Variants in ZBED4 observed in about 807,000 individuals in gnomAD.
ZBED4 encodes zinc finger BED-type containing 4.
A neutral mutation model predicts 15.5 loss-of-function variants in ZBED4; 4 were observed. The ratio of observed to expected loss-of-function variants is 0.26; its 90% CI spans 0.13 to 0.59. ZBED4 has a LOEUF of 0.59. ZBED4 is among the 20% of genes least tolerant of loss of function. The pLI is 0.90. For missense variants in ZBED4, 1,323 were observed against 1,461.8 expected (o/e 0.91, Z 1.55); for synonymous variants, 692 against 608.5 (o/e 1.14, Z -2.02).
At position 49,884,892 on chromosome 22, in the gene ZBED4, C is replaced by T. The variant is rs776412890; in HGVS notation, c.1230C>T (p.Asp410=). The T allele has an allele frequency of 3.1e-6, 5 of 1,602,948 alleles. No homozygotes were observed. The highest frequency in any genetic ancestry group is 1.1e-5 in the South Asian group (1 of 90,140). ...HLNPGDGLME[D]VAAFSSSDDI... is the part of the protein sequence containing the mutation. ...ACCCTGGAGATGGGCTGATGGAAGA[C>T]GTGGCGGCCTTCTCATCTTCCGATG... The change falls in exon 2 of 2, where the codon GAC becomes GAT. Residue 410 remains aspartate, a synonymous_variant. Transcript: ENST00000216268.
chr22:49,874,388 ATTTT>A (rs539781070), intron 1 of ZBED4, among the ~76,000 whole-genome samples: 1 of 143,156 alleles, frequency 7.0e-6, no homozygotes, highest in Non-Finnish European at 1.5e-5. Flanking sequence ...TATTGTTTTA[ATTTT>A]TTTTTTTTTT....
Position 49,854,948 on chromosome 22 carries a change from A to G in ZBED4, c.-330+959A>G, listed in dbSNP as rs143508796. On this transcript the variant is annotated intron_variant, in intron 1 of 1. Coordinates refer to ENST00000216268, the MANE Select transcript of ZBED4 (RefSeq NM_014838.3). ...GAAATGTTTTTTATTTTTTCTGTGT[A>G]TGTCATTCATAGTGACAAAATTGAG... Among the ~76,000 whole-genome samples the G allele has an allele frequency of 1.2e-4, 18 of 152,334 alleles. 1 individual carries two copies. The South Asian group carries it at 1.9e-3, about 16-fold the overall frequency.
chr22:49,871,657 G>A (rs954903155), intron 1 of ZBED4, among the ~76,000 whole-genome samples: 1 of 152,052 alleles, frequency 6.6e-6, no homozygotes, highest in Non-Finnish European at 1.5e-5. Flanking sequence ...ATGTTGCCTT[G>A]GTGTCCAGGG....
intron 1 of ZBED4, among the ~76,000 whole-genome samples, chr22:49,879,282 G>A (rs1160191545): frequency 6.6e-6 from 1 of 151,114 alleles, no homozygotes; most frequent in Non-Finnish European, 1.5e-5. Context: ...GCGCCACCAC[G>A]CCGCGCTAAT....
chr22:49,872,353 C>T (rs919683868), intron 1 of ZBED4, among the ~76,000 whole-genome samples: 1 of 152,172 alleles, frequency 6.6e-6, no homozygotes, highest in Non-Finnish European at 1.5e-5. Context: ...GCAATTCCGC[C>T]GTATCTTTGG....
chr22:49,875,434 T>C (rs2147528495), intron 1 of ZBED4, among the ~76,000 whole-genome samples: 1 of 151,990 alleles, frequency 6.6e-6, no homozygotes, highest in South Asian at 2.1e-4. Flanking sequence ...TTTTTTCTTT[T>C]TTTTGAGACG....
chr22:49,856,827 C>T lies in ZBED4; in HGVS notation c.-330+2838C>T, dbSNP rs112996074. On this transcript the variant is annotated intron_variant, in intron 1 of 1. Coordinates refer to ENST00000216268, the MANE Select transcript of ZBED4 (RefSeq NM_014838.3). ...CTAGGTGAAGGCCGCGCTGGAATCC[C>T]GGCCGGCTTCCCACCCCTCGTTCTA... Among the ~76,000 whole-genome samples, 5 of 149,034 alleles carry T rather than the reference C, an allele frequency of 3.4e-5. No homozygotes were observed. The East Asian group carries it at 6.0e-4, about 18-fold the overall frequency.
intron 1 of ZBED4, among the ~76,000 whole-genome samples, chr22:49,869,999 C>G (rs1285247668): frequency 6.6e-6 from 1 of 152,090 alleles, no homozygotes; most frequent in African/African-American, 2.4e-5. Flanking sequence ...TCTCGCAGTC[C>G]CAGTGCCTGT....
rs199907765 is a variant in ZBED4, at chr22:49,885,976, G to A, written c.2314G>A (p.Val772Met). 2.8e-6 allele frequency: 2 copies of A among 702,160 alleles called. No homozygotes were observed. Among genetic ancestry groups the A allele is most frequent in the South Asian group, 1.6e-5 (1 of 60,692 alleles). 43.5% of individuals were successfully genotyped at this position (702,160 alleles called of 1,614,324 possible). A position where few individuals can be genotyped will look rare whatever the true frequency, so the allele number is the denominator to read the frequency against. Residue 772 changes from valine (V) to methionine (M), a missense_variant, in exon 2 of 2, where the codon GTG becomes ATG. Val to Met is a conservative substitution (Grantham distance 21). This residue lies in a region of ZBED4 where 100 missense variants were observed against 79.3 expected (regional missense o/e 1.26). Coordinates refer to ENST00000216268, the MANE Select transcript of ZBED4 (RefSeq NM_014838.3). ...CCACCACTGCTCGGCGCTGTTGGAC[G>A]TGTCGCAGGTGGACTGCGACTACAG... is the stretch of plus-strand genomic sequence containing the variant. ...DDHHCSALLDVSQVDCDYSGN... is the reference protein window; with the variant it reads ...DDHHCSALLDMSQVDCDYSGN...
chr22:49,871,656 T>C (rs1403532091), intron 1 of ZBED4, among the ~76,000 whole-genome samples: 1 of 152,126 alleles, frequency 6.6e-6, no homozygotes, highest in Non-Finnish European at 1.5e-5. Flanking sequence ...GATGTTGCCT[T>C]GGTGTCCAGG....
At chr22:49,871,271 G>A (rs2060346061) in intron 1 of ZBED4, among the ~76,000 whole-genome samples, 1 of 151,480 alleles carries the variant, frequency 6.6e-6, no homozygotes, top group Non-Finnish European at 1.5e-5. Flanking sequence ...GGTGGATCAC[G>A]AGGTCAGGAG....
intron 1 of ZBED4, among the ~76,000 whole-genome samples, chr22:49,858,480 A>G (rs1384455865): frequency 3.3e-5 from 5 of 152,108 alleles, no homozygotes; most frequent in Non-Finnish European, 7.4e-5. Context: ...GTTGAACACG[A>G]ATATATTTCT....
chr22:49,867,748 C>T (rs144102734), intron 1 of ZBED4, among the ~76,000 whole-genome samples: 2 of 152,292 alleles, frequency 1.3e-5, no homozygotes, highest in East Asian at 3.9e-4. Context: ...GTAATACTGA[C>T]TGCAAGGGGG....
At chr22:49,855,644 C>T (rs922854927) in intron 1 of ZBED4, among the ~76,000 whole-genome samples, 1 of 152,252 alleles carries the variant, frequency 6.6e-6, no homozygotes, top group East Asian at 1.9e-4. Context: ...CTCCTGGCGG[C>T]ATGAGGAGCA....
In ZBED4 at chr22:49,884,273, C is replaced by T. The variant is rs1266346530; in HGVS notation, c.611C>T (p.Ser204Leu). The T allele has an allele frequency of 2.5e-6, 4 of 1,611,242 alleles. No homozygotes were observed. Among genetic ancestry groups the T allele is most frequent in the Admixed American group, 1.7e-5 (1 of 59,736 alleles). Residue 204 changes from serine to leucine, a missense_variant, in exon 2 of 2, where the codon TCA becomes TTA. Ser to Leu is a moderately radical substitution (Grantham distance 145, BLOSUM62 -2). Coordinates refer to ENST00000216268, the MANE Select transcript of ZBED4 (RefSeq NM_014838.3). ...GCGGGTGACCTCAGCACCATCCTCTCACCCATCAAACTTGTCCAGAAAGTG... is the reference window on the plus strand; with the variant it reads ...GCGGGTGACCTCAGCACCATCCTCTTACCCATCAAACTTGTCCAGAAAGTG... ...ADAGDLSTILSPIKLVQKVAS... is the reference protein window; with the variant it reads ...ADAGDLSTILLPIKLVQKVAS...
Position 49,888,625 on chromosome 22 carries a change from G to T in ZBED4, c.*1447G>T, listed in dbSNP as rs2060452507. The T allele has an allele frequency of 6.0e-6, 1 of 167,290 alleles. No homozygotes were observed. Among genetic ancestry groups the T allele is most frequent in the African/African-American group, 2.4e-5 (1 of 41,472 alleles). The allele number at this position is 167,290 out of a possible 1,614,324, so 10.4% of individuals were successfully genotyped here. A position where few individuals can be genotyped will look rare whatever the true frequency, so the allele number is the denominator to read the frequency against. ...CAGTTCTGATCATGGCCATGGTGATGACTTTCCAGGTCTCGTGTTCAAGTG... is the reference window on the plus strand; with the variant it reads ...CAGTTCTGATCATGGCCATGGTGATTACTTTCCAGGTCTCGTGTTCAAGTG... On this transcript the variant is annotated 3_prime_UTR_variant, in exon 2 of 2. Transcript: ENST00000216268.
In ZBED4 at chr22:49,883,853, C is replaced by T. The variant is rs192665300; in HGVS notation, c.191C>T (p.Thr64Met). ...SGGERAGLGGTGCSCKPPGKY... is the reference protein window; with the variant it reads ...SGGERAGLGGMGCSCKPPGKY... ...GGGGAGCGAGCGGGCCTCGGTGGGACGGGTTGCAGCTGCAAGCCCCCGGGG... is the reference window on the plus strand; with the variant it reads ...GGGGAGCGAGCGGGCCTCGGTGGGATGGGTTGCAGCTGCAAGCCCCCGGGG... Residue 64 changes from threonine to methionine, a missense_variant, in exon 2 of 2, where the codon ACG becomes ATG. This residue lies in a region of ZBED4 where 380 missense variants were observed against 413.7 expected (regional missense o/e 0.92). Coordinates refer to ENST00000216268, the MANE Select transcript of ZBED4 (RefSeq NM_014838.3). 17 of 1,607,818 alleles carry T rather than the reference C, an allele frequency of 1.1e-5. No individual in the cohort carries two copies. The highest frequency in any genetic ancestry group is 4.5e-5 in the East Asian group (2 of 44,692).
rs763677134 is a variant in ZBED4 at position 49,883,935 on chromosome 22, C to G, written c.273C>G (p.Ser91Arg). Residue 91 changes from serine to arginine, a missense_variant, in exon 2 of 2, where the codon AGC becomes AGG. Physicochemically the swap from Ser to Arg is moderately radical, Grantham distance 110. Around this residue, in one of 6 missense-constraint regions of ZBED4, gnomAD observed 380 missense variants for 413.7 expected, o/e 0.92. Transcript: ENST00000216268. ...ATGGCGCGCTGTTCTCCCAGTACAGCAGCACCCTATACGACGTGGCCATGG... is the reference window on the plus strand; with the variant it reads ...ATGGCGCGCTGTTCTCCCAGTACAGGAGCACCCTATACGACGTGGCCATGG... ...DDYGALFSQY[S>R]STLYDVAMEA... 2.5e-6 allele frequency: 4 copies of G among 1,613,308 alleles called. No individual in the cohort carries two copies. In the East Asian group the frequency reaches 6.7e-5, roughly 27 times the overall value.
rs2060263199 is a variant in ZBED4 at position 49,853,958 on chromosome 22, C to T, written c.-361C>T. On this transcript the variant is annotated 5_prime_UTR_variant, in exon 1 of 2. Coordinates refer to ENST00000216268, the MANE Select transcript of ZBED4 (RefSeq NM_014838.3). ...CGCCCGCGCCGCCGTCGTCCGCAGC[C>T]GGCCGGGAGCCGCCCCAGAGGCCGG... The T allele has an allele frequency of 1.4e-5, 2 of 145,254 alleles. No individual in the cohort carries two copies. The highest frequency in any genetic ancestry group is 2.5e-5 in the African/African-American group (1 of 40,580). The allele number at this position is 145,254 out of a possible 1,614,324, so 9.0% of individuals were successfully genotyped here.
Sources: allele counts gnomAD v4.1 joint callset (sites outside exome capture counted in the v4.1 genomes callset), GRCh38; gene constraint gnomAD v4.1.1; regional missense constraint gnomAD v4.1.1; transcripts MANE v1.5; gene names NCBI Gene and HGNC (gene_info 2026-07-23, HGNC 2026-07-21).